KCNH7: variants seen among roughly 807,000 people sequenced by gnomAD.
KCNH7 encodes voltage-gated inwardly rectifying potassium channel KCNH7.
Under a neutral mutation model 120.8 loss-of-function variants are expected in KCNH7, and 49 were observed. That is an observed-to-expected ratio of 0.41 (90% CI 0.32 to 0.51). The LOEUF (loss-of-function observed/expected upper bound fraction) is 0.51. KCNH7 is among the 20% of genes least tolerant of loss of function. The pLI, the probability that KCNH7 is intolerant of heterozygous loss-of-function variation, is 0.38. For synonymous variants in KCNH7, 547 were observed against 516.1 expected (o/e 1.06, Z -0.81); for missense variants, 1,097 against 1,446.6 (o/e 0.76, Z 3.92).
At chr2:162,721,530 A>G (rs1448576104) in intron 2 of KCNH7, among the ~76,000 whole-genome samples, 2 of 152,130 alleles carry the variant, frequency 1.3e-5, no homozygotes, top group African/African-American at 4.8e-5. Context: ...GCAGTCTTAT[A>G]TTACTTGATG....
At chr2:162,521,220 C>G (rs1445416926) in intron 3 of KCNH7, among the ~76,000 whole-genome samples, 1 of 151,890 alleles carries the variant, frequency 6.6e-6, no homozygotes, top group South Asian at 2.1e-4. Flanking sequence ...AGCATTGAGT[C>G]CCAGCTCTGA....
chr2:162,692,692 G>A (rs1686155470), intron 2 of KCNH7, among the ~76,000 whole-genome samples: 2 of 152,094 alleles, frequency 1.3e-5, no homozygotes. Context: ...CTTTAGGTGA[G>A]CTGATAAGGG....
intron 2 of KCNH7, among the ~76,000 whole-genome samples, chr2:162,695,560 A>T (rs1166306610): frequency 5.3e-5 from 8 of 152,212 alleles, no homozygotes. Flanking sequence ...TGGGCATCTG[A>T]TGACCCTGAG....
chr2:162,384,835 A>G lies in KCNH7; in HGVS notation c.2815T>C (p.Ser939Pro), dbSNP rs1041152473. 5.0e-6 allele frequency: 8 copies of G among 1,612,604 alleles called. No homozygotes were observed. The highest frequency in any genetic ancestry group is 1.3e-5 in the African/African-American group (1 of 74,828). ...EKKSRSSSFI[S>P]SIDDEQKPLF... The stretch of plus-strand genomic sequence containing the variant: ...GGCTTTTGTTCATCATCAATGGAGG[A>G]GATGAAAGATGAGGATCTGCTTTTT... Residue 939 changes from serine to proline, a missense_variant, in exon 13 of 16, where the codon TCC becomes CCC. Physicochemically the swap from Ser to Pro is moderately conservative, Grantham distance 74. This residue lies in a region of KCNH7 where 406 missense variants were observed against 410.5 expected (regional missense o/e 0.99). Coordinates refer to ENST00000332142, the MANE Select transcript of KCNH7 (RefSeq NM_033272.4).
chr2:162,643,680 C>A (rs908665187), intron 2 of KCNH7, among the ~76,000 whole-genome samples: 1 of 151,770 alleles, frequency 6.6e-6, no homozygotes. Flanking sequence ...GCGGCGCACA[C>A]CTGTAGTCCC....
chr2:162,386,954 ATG>A (rs1686591763), intron 12 of KCNH7, among the ~76,000 whole-genome samples: 2 of 151,796 alleles, frequency 1.3e-5, no homozygotes, highest in East Asian at 3.9e-4. Flanking sequence ...TGTTTACAAA[ATG>A]TGGTCAGTGA....
intron 6 of KCNH7, among the ~76,000 whole-genome samples, chr2:162,470,076 G>A (rs1283867545): frequency 2.0e-5 from 3 of 152,148 alleles, no homozygotes; most frequent in Admixed American, 1.3e-4. Flanking sequence ...TCTCCCAGCC[G>A]CCTGCCTTGG....
At chr2:162,721,647 A>G (rs1559099577) in intron 2 of KCNH7, among the ~76,000 whole-genome samples, 1 of 152,142 alleles carries the variant, frequency 6.6e-6, no homozygotes, top group Non-Finnish European at 1.5e-5. Flanking sequence ...GCCAAATACA[A>G]TAACATGTAA....
intron 2 of KCNH7, among the ~76,000 whole-genome samples, chr2:162,562,546 G>A (rs545805116): frequency 1.3e-5 from 2 of 152,250 alleles, no homozygotes; most frequent in South Asian, 4.1e-4. Flanking sequence ...TATTCTTGCT[G>A]TTGACCGCTC....
intron 2 of KCNH7, among the ~76,000 whole-genome samples, chr2:162,576,716 T>A (rs1467286931): frequency 6.6e-6 from 1 of 151,982 alleles, no homozygotes; most frequent in Non-Finnish European, 1.5e-5. Context: ...CATACACTTT[T>A]AGAGCTAGCA....
intron 2 of KCNH7, among the ~76,000 whole-genome samples, chr2:162,773,458 A>G (rs1574370296): frequency 6.6e-6 from 1 of 152,220 alleles, no homozygotes; most frequent in Non-Finnish European, 1.5e-5. Flanking sequence ...GCTGCACTCC[A>G]GCCTCCTCGG....
intron 2 of KCNH7, among the ~76,000 whole-genome samples, chr2:162,731,744 G>C (rs1687738291): frequency 1.3e-5 from 2 of 152,008 alleles, no homozygotes; most frequent in Non-Finnish European, 2.9e-5. Context: ...ATCTGAAAAG[G>C]TTATAACTTT....
chr2:162,391,062 C>A (rs1007076019), intron 12 of KCNH7, among the ~76,000 whole-genome samples: 1 of 151,904 alleles, frequency 6.6e-6, no homozygotes, highest in African/African-American at 2.4e-5. Context: ...CAGGACTCAA[C>A]CTCTGTCTGC....
At chr2:162,534,156 A>G (rs942143503) in intron 3 of KCNH7, among the ~76,000 whole-genome samples, 1 of 151,506 alleles carries the variant, frequency 6.6e-6, no homozygotes, top group Admixed American at 6.6e-5. Flanking sequence ...TATAGCTTAC[A>G]CAGTGCTTAG....
intron 2 of KCNH7, among the ~76,000 whole-genome samples, chr2:162,617,654 C>T (rs977887901): frequency 6.6e-6 from 1 of 152,210 alleles, no homozygotes; most frequent in African/African-American, 2.4e-5. Context: ...TTGCTTATCT[C>T]AACACAGAAA....
intron 2 of KCNH7, among the ~76,000 whole-genome samples, chr2:162,628,088 G>C (rs1022009664): frequency 1.3e-5 from 2 of 152,096 alleles, no homozygotes; most frequent in African/African-American, 4.8e-5. Flanking sequence ...CTTTTCATGA[G>C]AGTATTGGTA....
rs780739285 is a variant in KCNH7 at position 162,517,884 on chromosome 2, T to A, written c.738A>T (p.Arg246=). The A allele has an allele frequency of 9.9e-6, 16 of 1,612,186 alleles. No homozygotes were observed. Among genetic ancestry groups the A allele is most frequent in the Admixed American group, 5.0e-5 (3 of 59,884 alleles). The part of the protein sequence containing the change: ...DHSSPKRQWD[R]LYPDMLQSSS... ...TTGACTGCAGCATGTCAGGGTAGAG[T>A]CGGTCCCATTGCCTTTTGGGAGAGG... Residue 246 remains arginine, a synonymous_variant, in exon 4 of 16, where the codon CGA becomes CGT. Transcript: ENST00000332142.
At chr2:162,571,891 C>T (rs919171681) in intron 2 of KCNH7, among the ~76,000 whole-genome samples, 3 of 151,812 alleles carry the variant, frequency 2.0e-5, no homozygotes, top group Middle Eastern at 3.4e-3. Context: ...ATACAAAAAT[C>T]AATTCAAGAT....
chr2:162,423,226 G>A (rs773318263), intron 9 of KCNH7, 110 bp downstream of exon 9: 6 of 1,593,796 alleles, frequency 3.8e-6, no homozygotes, highest in Non-Finnish European at 3.4e-6. Flanking sequence ...ACATCCGAGA[G>A]AAGAAAACAA....
Sources: allele counts gnomAD v4.1 joint callset (sites outside exome capture counted in the v4.1 genomes callset), GRCh38; gene constraint gnomAD v4.1.1; regional missense constraint gnomAD v4.1.1; transcripts MANE v1.5; gene names NCBI Gene and HGNC (gene_info 2026-07-23, HGNC 2026-07-21).